TGFBR2: variants seen among roughly 807,000 people sequenced by gnomAD.
The protein encoded by TGFBR2 is TGF-beta receptor type-2.
TGFBR2 carries 18 observed loss-of-function variants against 49.0 expected under a neutral mutation model. The observed-to-expected ratio is 0.37, with a 90% CI of 0.25 to 0.54. The LOEUF (loss-of-function observed/expected upper bound fraction) is 0.54. Ranked by LOEUF, TGFBR2 falls within the 20% of genes least tolerant of loss-of-function variation. The pLI, the probability that TGFBR2 is intolerant of heterozygous loss-of-function variation, is 0.85. For missense variants in TGFBR2, 525 were observed against 722.6 expected (o/e 0.73, Z 3.13); for synonymous variants, 282 against 275.9 (o/e 1.02, Z -0.22).
At chr3:30,664,724 T>A (rs1385377786) in intron 3 of TGFBR2, among the ~76,000 whole-genome samples, 1 of 152,256 alleles carries the variant, frequency 6.6e-6, no homozygotes, top group Non-Finnish European at 1.5e-5. Context: ...TGTCCTTTGT[T>A]ATGCCGACAC....
rs1270027856 is a variant in TGFBR2 at position 30,671,759 on chromosome 3, C to A, written c.576C>A (p.Asn192Lys). 1.2e-6 allele frequency: 2 copies of A among 1,614,208 alleles called. No homozygotes were observed. ...TCATCTTCTACTGCTACCGCGTTAA[C>A]CGGCAGCAGAAGCTGAGTTCAACCT... is the stretch of plus-strand genomic sequence containing the variant. Reference protein sequence around the residue: ...VIIIFYCYRVNRQQKLSSTWE... With the variant: ...VIIIFYCYRVKRQQKLSSTWE... Residue 192 changes from asparagine (N) to lysine (K), a missense_variant, in exon 4 of 7, where the codon AAC (asparagine) becomes AAA (lysine). Physicochemically the swap from Asn to Lys is moderately conservative, Grantham distance 94 (BLOSUM62 0). Transcript: ENST00000295754.
At chr3:30,666,329 A>T (rs1453255378) in intron 3 of TGFBR2, among the ~76,000 whole-genome samples, 2 of 152,236 alleles carry the variant, frequency 1.3e-5, no homozygotes, top group African/African-American at 4.8e-5. Context: ...GATCTAGGCC[A>T]TGAGAATAGG....
intron 3 of TGFBR2, among the ~76,000 whole-genome samples, chr3:30,655,838 C>G (rs1367610): frequency 0.91 from 138,440 of 152,306 alleles, 63,112 homozygotes; most frequent in East Asian, 0.99. Flanking sequence ...CCCTGATTAA[C>G]GAGAACACTC....
At chr3:30,629,066 C>T (rs1411798425) in intron 1 of TGFBR2, among the ~76,000 whole-genome samples, 3 of 152,142 alleles carry the variant, frequency 2.0e-5, no homozygotes, top group Non-Finnish European at 4.4e-5. Flanking sequence ...TCTGGGCCTT[C>T]GTTTTCAGAT....
chr3:30,623,280 TATC>T, intron 1 of TGFBR2: 1 of 1,613,830 alleles, frequency 6.2e-7, no homozygotes, highest in Non-Finnish European at 8.5e-7. Flanking sequence ...CATAGTAAAG[TATC>T]ATTAATTAAT....
Position 30,644,754 on chromosome 3 carries a change from C to T in TGFBR2, c.102C>T (p.Asn34=), listed in dbSNP as rs753739611. The T allele has an allele frequency of 6.2e-6, 10 of 1,613,890 alleles. No homozygotes were observed. Among genetic ancestry groups the T allele is most frequent in the Admixed American group, 3.3e-5 (2 of 59,988 alleles). ...IPPHVQKSVN[N]DMIVTDNNGA... The stretch of plus-strand genomic sequence containing the variant: ...ATCTTTCTCTCTCCTCAGTTAATAA[C>T]GACATGATAGTCACTGACAACAACG... Residue 34 remains asparagine (N), a synonymous_variant, in exon 2 of 7, where the codon AAC becomes AAT. Transcript: ENST00000295754.
chr3:30,664,276 A>T (rs529855702), intron 3 of TGFBR2, among the ~76,000 whole-genome samples: 3 of 151,548 alleles, frequency 2.0e-5, no homozygotes, highest in Admixed American at 1.3e-4. Context: ...GAGGCACCAT[A>T]TCTTCCCCCC....
chr3:30,689,482 C>T (rs1699678205), intron 6 of TGFBR2, among the ~76,000 whole-genome samples: 1 of 152,276 alleles, frequency 6.6e-6, no homozygotes, highest in East Asian at 1.9e-4. Flanking sequence ...AAGGGCAAGG[C>T]AAATTCAGAT....
At chr3:30,686,151 T>A (rs1204046441) in intron 5 of TGFBR2, among the ~76,000 whole-genome samples, 1 of 152,196 alleles carries the variant, frequency 6.6e-6, no homozygotes, top group Non-Finnish European at 1.5e-5. Flanking sequence ...TTTGCTTGAA[T>A]TCAACCGAAC....
chr3:30,622,346 G>T (rs1297045664), intron 1 of TGFBR2, among the ~76,000 whole-genome samples: 2 of 152,138 alleles, frequency 1.3e-5, no homozygotes, highest in African/African-American at 4.8e-5. Context: ...TCAAGATTGT[G>T]TTGGTTGATA....
chr3:30,623,648 C>T (rs185280503), intron 1 of TGFBR2, among the ~76,000 whole-genome samples: 4 of 152,282 alleles, frequency 2.6e-5, no homozygotes, highest in Admixed American at 2.0e-4. Flanking sequence ...ACAAATGCTG[C>T]CATGTGTAAA....
In TGFBR2 at chr3:30,691,421, G is replaced by A. The variant is rs863223853; in HGVS notation, c.1526G>A (p.Gly509Asp). Residue 509 changes from glycine to aspartate, a missense_variant and splice_region_variant, in exon 7 of 7, where the codon GGC (glycine) becomes GAC (aspartate). Coordinates refer to ENST00000295754, the MANE Select transcript of TGFBR2 (RefSeq NM_003242.6). ...EIPSFWLNHQ[G>D]IQMVCETLTE... ...CTTTGGATCTCTTTCCCGCTACAGGGCATCCAGATGGTGTGTGAGACGTTG... is the reference window on the plus strand; with the variant it reads ...CTTTGGATCTCTTTCCCGCTACAGGACATCCAGATGGTGTGTGAGACGTTG... The A allele has an allele frequency of 6.2e-7, 1 of 1,613,898 alleles. No individual in the cohort carries two copies. The highest frequency in any genetic ancestry group is 8.5e-7 in the Non-Finnish European group (1 of 1,179,888).
In TGFBR2 at chr3:30,691,910, TA is replaced by T. The variant is rs1289198186; in HGVS notation, c.*312del. The stretch of plus-strand genomic sequence containing the variant: ...TATATAAATATGAATAGCTATGTTT[TA>T]TATATATATATATATATCTATATAT... On this transcript the variant is annotated 3_prime_UTR_variant, in exon 7 of 7. Coordinates refer to ENST00000295754, the MANE Select transcript of TGFBR2 (RefSeq NM_003242.6). The T allele has an allele frequency of 1.3e-4, 9 of 68,548 alleles. No individual in the cohort carries two copies. Among genetic ancestry groups the T allele is most frequent in the East Asian group, 3.1e-4 (2 of 6,422 alleles). 4.2% of individuals were successfully genotyped at this position (68,548 alleles called of 1,614,324 possible). A position where few individuals can be genotyped will look rare whatever the true frequency, so the allele number is the denominator to read the frequency against.
chr3:30,612,733 A>G (rs1698051368), intron 1 of TGFBR2, among the ~76,000 whole-genome samples: 1 of 66,484 alleles, frequency 1.5e-5, no homozygotes, highest in Non-Finnish European at 4.1e-5. Flanking sequence ...TAGGACAATC[A>G]TTTGTGTACA....
intron 5 of TGFBR2, among the ~76,000 whole-genome samples, chr3:30,683,578 T>A (rs1699571931): frequency 6.6e-6 from 1 of 152,202 alleles, no homozygotes; most frequent in Non-Finnish European, 1.5e-5. Context: ...AAAGAAACAG[T>A]GGTTAGGAGT....
At chr3:30,651,493 T>C (rs957861750) in intron 3 of TGFBR2, among the ~76,000 whole-genome samples, 3 of 152,228 alleles carry the variant, frequency 2.0e-5, no homozygotes, top group Non-Finnish European at 4.4e-5. Flanking sequence ...CACTTTTTTA[T>C]ACCCAACCAC....
chr3:30,658,132 G>T (rs1206902791), intron 3 of TGFBR2, among the ~76,000 whole-genome samples: 1 of 152,226 alleles, frequency 6.6e-6, no homozygotes, highest in Admixed American at 6.5e-5. Context: ...CTGTGTTCCA[G>T]TACAACTTCA....
At chr3:30,678,566 A>AAC in intron 5 of TGFBR2, among the ~76,000 whole-genome samples, 2 of 150,362 alleles carry the variant, frequency 1.3e-5, no homozygotes, top group Non-Finnish European at 2.9e-5. Flanking sequence ...AAAAAAAAAA[A>AAC]AAGAGGTATG....
At chr3:30,629,115 C>G (rs558137968) in intron 1 of TGFBR2, among the ~76,000 whole-genome samples, 1 of 152,182 alleles carries the variant, frequency 6.6e-6, no homozygotes, top group Non-Finnish European at 1.5e-5. Context: ...TTTTGAATTT[C>G]TTTAGATCAG....
Sources: allele counts gnomAD v4.1 joint callset (sites outside exome capture counted in the v4.1 genomes callset), GRCh38; gene constraint gnomAD v4.1.1; transcripts MANE v1.5; gene names NCBI Gene and HGNC (gene_info 2026-07-23, HGNC 2026-07-21).